ANKFN1: variants seen among roughly 807,000 people sequenced by gnomAD.
ANKFN1 encodes ankyrin repeat and fibronectin type III domain containing 1, also known as ankyrin repeat and fibronectin type-III domain-containing protein 1.
Under a neutral mutation model 108.7 loss-of-function variants are expected in ANKFN1, and 74 were observed. The observed-to-expected ratio is 0.68, with a 90% CI of 0.56 to 0.83. The LOEUF (loss-of-function observed/expected upper bound fraction) is 0.83. ANKFN1 is among the 40% of genes least tolerant of loss of function. The pLI is 0.00. For missense variants in ANKFN1, 1,505 were observed against 1,382.3 expected (o/e 1.09, Z -1.41); for synonymous variants, 547 against 516.2 (o/e 1.06, Z -0.81).
intron 4 of ANKFN1, among the ~76,000 whole-genome samples, chr17:56,053,547 T>G (rs1904815021): frequency 6.6e-6 from 1 of 152,220 alleles, no homozygotes; most frequent in Non-Finnish European, 1.5e-5. Flanking sequence ...TCTTTCCCAT[T>G]CATCTATTGA....
intron 17 of ANKFN1, among the ~76,000 whole-genome samples, chr17:56,481,902 A>G (rs2050718357): frequency 6.6e-6 from 1 of 151,954 alleles, no homozygotes; most frequent in Non-Finnish European, 1.5e-5. Context: ...TGGGCTACAT[A>G]TACATGTTGG....
intron 8 of ANKFN1, among the ~76,000 whole-genome samples, chr17:56,395,869 G>A (rs538509210): frequency 6.6e-6 from 1 of 151,982 alleles, no homozygotes; most frequent in Non-Finnish European, 1.5e-5. Context: ...ACAAAGGTGG[G>A]GGGAAGCATG....
intron 3 of ANKFN1, among the ~76,000 whole-genome samples, chr17:56,234,444 C>G (rs544435800): frequency 6.6e-6 from 1 of 151,786 alleles, no homozygotes; most frequent in East Asian, 1.9e-4. Context: ...ATTATTTTAT[C>G]ACCCAGGTAC....
At chr17:56,455,315 A>G (rs948250170) in intron 11 of ANKFN1, among the ~76,000 whole-genome samples, 1 of 152,192 alleles carries the variant, frequency 6.6e-6, no homozygotes, top group East Asian at 1.9e-4. Flanking sequence ...TCACTCTTCC[A>G]TATTTAACTG....
chr17:56,455,491 C>G (rs1391404803), intron 11 of ANKFN1, among the ~76,000 whole-genome samples: 1 of 152,226 alleles, frequency 6.6e-6, no homozygotes, highest in African/African-American at 2.4e-5. Flanking sequence ...GCCAAAGACA[C>G]ACTGGCCCTC....
chr17:56,158,044 C>T (rs1006021256), intron 1 of ANKFN1, among the ~76,000 whole-genome samples: 1 of 152,206 alleles, frequency 6.6e-6, no homozygotes, highest in African/African-American at 2.4e-5. Context: ...CCGCCAGATG[C>T]ATCTGCCATG....
intron 1 of ANKFN1, among the ~76,000 whole-genome samples, chr17:56,201,564 T>A (rs903173079): frequency 6.6e-6 from 1 of 152,202 alleles, no homozygotes; most frequent in Non-Finnish European, 1.5e-5. Flanking sequence ...TAAATACTTA[T>A]TGATTAAATT....
intron 4 of ANKFN1, among the ~76,000 whole-genome samples, chr17:56,116,104 T>C (rs1300970701): frequency 1.3e-5 from 2 of 152,144 alleles, no homozygotes; most frequent in African/African-American, 2.4e-5. Context: ...TTCCCAGCCA[T>C]GTCCCCAGGT....
intron 2 of ANKFN1, among the ~76,000 whole-genome samples, chr17:56,217,333 G>A (rs1197482681): frequency 6.6e-6 from 1 of 152,142 alleles, no homozygotes; most frequent in Non-Finnish European, 1.5e-5. Flanking sequence ...GACCAACTGT[G>A]CATTTGCTAA....
intron 8 of ANKFN1, among the ~76,000 whole-genome samples, chr17:56,426,383 CATTT>C (rs2048569021): frequency 6.6e-6 from 1 of 152,200 alleles, no homozygotes; most frequent in African/African-American, 2.4e-5. Context: ...TGCATTCATT[CATTT>C]AAGACACCTT....
chr17:56,422,927 C>A (rs1367169347), intron 8 of ANKFN1, among the ~76,000 whole-genome samples: 1 of 152,180 alleles, frequency 6.6e-6, no homozygotes, highest in Non-Finnish European at 1.5e-5. Context: ...CCCCAAAGTC[C>A]TGGTGCTGCC....
chr17:56,408,590 A>G (rs1200633641), intron 8 of ANKFN1, among the ~76,000 whole-genome samples: 1 of 152,206 alleles, frequency 6.6e-6, no homozygotes, highest in Non-Finnish European at 1.5e-5. Context: ...ATTGCAGAAA[A>G]AGAGATGAGA....
At chr17:56,073,427 A>C (rs992845080) in intron 4 of ANKFN1, among the ~76,000 whole-genome samples, 11 of 152,164 alleles carry the variant, frequency 7.2e-5, no homozygotes, top group African/African-American at 1.7e-4. Context: ...GCTTTGTTCC[A>C]TATTTATGTC....
At chr17:56,219,520 T>TA (rs1374773545) in intron 2 of ANKFN1, among the ~76,000 whole-genome samples, 1 of 152,214 alleles carries the variant, frequency 6.6e-6, no homozygotes, top group Non-Finnish European at 1.5e-5. Flanking sequence ...GTACTGGAGT[T>TA]ACAGGCATGA....
rs139885470 is a variant in ANKFN1, at chr17:56,195,601, A to C, written c.-70-16997A>C. Among the ~76,000 whole-genome samples, 78 of 152,312 alleles carry C rather than the reference A, an allele frequency of 5.1e-4. 1 individual carries two copies. In the East Asian group the frequency reaches 0.015, roughly 29 times the overall value. On this transcript the variant is annotated intron_variant, in intron 1 of 20. Coordinates refer to ENST00000682825, the MANE Select transcript of ANKFN1 (RefSeq NM_001370326.1). ...TCTGTAGGAAAACCCAGGACCCAGA[A>C]GGAAGTAGATGCTTATATACTCAAA...
At chr17:56,374,184 G>T (rs572990769) in intron 7 of ANKFN1, among the ~76,000 whole-genome samples, 1 of 152,300 alleles carries the variant, frequency 6.6e-6, no homozygotes, top group African/African-American at 2.4e-5. Flanking sequence ...TACCAAAAGT[G>T]AGTGTGCTAT....
At position 56,170,801 on chromosome 17, in the gene ANKFN1, T is replaced by C. The variant is rs1309453573; in HGVS notation, c.-71+17271T>C. Among the ~76,000 whole-genome samples the C allele has an allele frequency of 2.7e-3, 175 of 64,210 alleles. 4 individuals carry two copies. The highest frequency in any genetic ancestry group is 0.019 in the South Asian group (24 of 1,282). 42.1% of individuals were successfully genotyped at this position (64,210 alleles called of 152,430 possible). On this transcript the variant is annotated intron_variant, in intron 1 of 20. Coordinates refer to ENST00000682825, the MANE Select transcript of ANKFN1 (RefSeq NM_001370326.1). ...ATATATATATATATATATATATATA[T>C]ATATATACACACACACACACACACA...
intron 8 of ANKFN1, among the ~76,000 whole-genome samples, chr17:56,376,665 G>A (rs897676215): frequency 5.3e-5 from 8 of 152,090 alleles, no homozygotes; most frequent in East Asian, 1.9e-4. Context: ...CCACAATGCC[G>A]GCAAATTCTA....
In ANKFN1 at chr17:56,272,536, C is replaced by T. The variant is rs553044012; in HGVS notation, c.53+44579C>T. 5.9e-5 allele frequency among the ~76,000 whole-genome samples: 9 copies of T among 152,220 alleles called. No homozygotes were observed. The East Asian group carries it at 1.5e-3, about 26-fold the overall frequency. Reference sequence around the variant, plus strand: ...TCCTTTTTAAGGCTGAATAATATTCCAGTGTATGTATATACCATATTTTGT... The same window carrying T: ...TCCTTTTTAAGGCTGAATAATATTCTAGTGTATGTATATACCATATTTTGT... On this transcript the variant is annotated intron_variant, in intron 3 of 20. Transcript: ENST00000682825.
Sources: allele counts gnomAD v4.1 joint callset (sites outside exome capture counted in the v4.1 genomes callset), GRCh38; gene constraint gnomAD v4.1.1; transcripts MANE v1.5; gene names NCBI Gene and HGNC (gene_info 2026-07-23, HGNC 2026-07-21).